Variants in HYAL4 observed in about 807,000 individuals in gnomAD.
HYAL4 encodes hyaluronidase 4.
In HYAL4, 37 loss-of-function variants were observed where a neutral mutation model predicts 35.2. The observed-to-expected ratio is 1.05, with a 90% CI of 0.81 to 1.38. The LOEUF is 1.38. HYAL4 is among the 40% of genes most tolerant of loss of function. The pLI, the probability that HYAL4 is intolerant of heterozygous loss-of-function variation, is 0.00. For missense variants in HYAL4, 572 were observed against 572.4 expected (o/e 1.00, Z 0.01); for synonymous variants, 198 against 203.2 (o/e 0.97, Z 0.22).
chr7:123,834,592 TCTGG>T (rs1805935077), intron 1 of HYAL4, among the ~76,000 whole-genome samples: 1 of 152,212 alleles, frequency 6.6e-6, no homozygotes, highest in African/African-American at 2.4e-5. Flanking sequence ...GTCTGATTGC[TCTGG>T]CTAAGACTTC....
the HYAL4 span, among the ~76,000 whole-genome samples, chr7:123,818,120 G>A: frequency 2.6e-5 from 4 of 152,124 alleles, no homozygotes; most frequent in Non-Finnish European, 5.9e-5. Context: ...TGAGTGATCT[G>A]TCTGCCTCGG....
intron 2 of HYAL4, among the ~76,000 whole-genome samples, chr7:123,849,457 C>T (rs1352591669): frequency 1.3e-5 from 2 of 151,868 alleles, no homozygotes; most frequent in Non-Finnish European, 2.9e-5. Context: ...CCCACCACCA[C>T]GTCTGGCTAA....
the HYAL4 span, among the ~76,000 whole-genome samples, chr7:123,822,926 C>G: frequency 6.6e-6 from 1 of 152,182 alleles, no homozygotes; most frequent in South Asian, 2.1e-4. Flanking sequence ...GACTGTGCTA[C>G]TGCACTTCAG....
chr7:123,811,858 C>T, the HYAL4 span, among the ~76,000 whole-genome samples: 3 of 151,496 alleles, frequency 2.0e-5, no homozygotes, highest in East Asian at 1.9e-4. Context: ...TTGTTGTTGT[C>T]GGAGAGGGAG....
At chr7:123,793,224 T>G in the HYAL4 span, among the ~76,000 whole-genome samples, 2 of 152,224 alleles carry the variant, frequency 1.3e-5, no homozygotes, top group South Asian at 4.1e-4. Flanking sequence ...TGGTCCAAAA[T>G]ATTCCTTAAA....
intron 1 of HYAL4, among the ~76,000 whole-genome samples, chr7:123,835,229 T>A (rs1252462527): frequency 8.8e-6 from 1 of 112,998 alleles, no homozygotes; most frequent in Non-Finnish European, 2.0e-5. Flanking sequence ...CATTGGTAAT[T>A]TTTTTTTGTT....
At chr7:123,865,020 C>T (rs1414996857) in intron 2 of HYAL4, among the ~76,000 whole-genome samples, 3 of 151,942 alleles carry the variant, frequency 2.0e-5, no homozygotes, top group African/African-American at 7.3e-5. Flanking sequence ...ACAAACAGTT[C>T]ACCAGTTCTC....
intron 1 of HYAL4, among the ~76,000 whole-genome samples, chr7:123,832,204 AT>A (rs1562991088): frequency 6.6e-6 from 1 of 152,200 alleles, no homozygotes; most frequent in South Asian, 2.1e-4. Flanking sequence ...ACCCATTTCC[AT>A]TTTTTGAATA....
At chr7:123,869,706 A>G (rs1286439062) in intron 3 of HYAL4, among the ~76,000 whole-genome samples, 1 of 150,358 alleles carries the variant, frequency 6.7e-6, no homozygotes, top group Non-Finnish European at 1.5e-5. Context: ...TTTCTTCAAG[A>G]TGGAGTTTTT....
At chr7:123,866,736 A>G (rs575890202) in intron 2 of HYAL4, among the ~76,000 whole-genome samples, 1 of 151,450 alleles carries the variant, frequency 6.6e-6, no homozygotes, top group African/African-American at 2.4e-5. Flanking sequence ...AGTAGCCACT[A>G]TCGTCTTCCC....
the HYAL4 span, among the ~76,000 whole-genome samples, chr7:123,784,330 T>C: frequency 1.3e-5 from 2 of 152,216 alleles, no homozygotes; most frequent in Admixed American, 6.5e-5. Flanking sequence ...TCTTGAGATA[T>C]TGATAATCTA....
the HYAL4 span, among the ~76,000 whole-genome samples, chr7:123,822,701 A>G: frequency 6.6e-6 from 1 of 152,192 alleles, no homozygotes; most frequent in Non-Finnish European, 1.5e-5. Context: ...GCTCATGCCT[A>G]TAATCCCAGT....
chr7:123,832,110 C>T (rs1018182338), intron 1 of HYAL4, among the ~76,000 whole-genome samples: 40 of 152,144 alleles, frequency 2.6e-4, no homozygotes, highest in African/African-American at 8.9e-4. Flanking sequence ...GCTTGCCATT[C>T]TATGCATTCT....
the HYAL4 span, among the ~76,000 whole-genome samples, chr7:123,786,713 G>GCTTTCTAT: frequency 2.7e-5 from 4 of 148,350 alleles, no homozygotes; most frequent in African/African-American, 1.0e-4. Flanking sequence ...TGTATCACAT[G>GCTTTCTAT]CTATCTATCT....
chr7:123,852,933 C>T (rs1470666717), intron 2 of HYAL4, among the ~76,000 whole-genome samples: 1 of 152,122 alleles, frequency 6.6e-6, no homozygotes, highest in African/African-American at 2.4e-5. Context: ...TTGTAGTTCT[C>T]CTTGAAGAGG....
chr7:123,857,579 T>G (rs1806470503), intron 2 of HYAL4, among the ~76,000 whole-genome samples: 1 of 152,114 alleles, frequency 6.6e-6, no homozygotes, highest in African/African-American at 2.4e-5. Context: ...ATCACCCTCA[T>G]TCTGCATTGA....
chr7:123,830,977 A>T (rs1321257680), intron 1 of HYAL4, among the ~76,000 whole-genome samples: 1 of 152,082 alleles, frequency 6.6e-6, no homozygotes, highest in Non-Finnish European at 1.5e-5. Context: ...TTTCTAGAAT[A>T]CTAGTTTGTT....
the HYAL4 span, among the ~76,000 whole-genome samples, chr7:123,789,251 A>T: frequency 2.0e-5 from 3 of 152,370 alleles, no homozygotes; most frequent in Admixed American, 1.3e-4. Context: ...GATAAATAGT[A>T]TAAGACGAAT....
chr7:123,831,377 A>G (rs1805880698), intron 1 of HYAL4, among the ~76,000 whole-genome samples: 1 of 152,202 alleles, frequency 6.6e-6, no homozygotes, highest in Admixed American at 6.5e-5. Flanking sequence ...GTATTTGACT[A>G]TAGCAATGCT....
Sources: allele counts gnomAD v4.1 joint callset (sites outside exome capture counted in the v4.1 genomes callset), GRCh38; gene constraint gnomAD v4.1.1; transcripts MANE v1.5; gene names NCBI Gene and HGNC (gene_info 2026-07-23, HGNC 2026-07-21).